INTS3: variants seen among roughly 807,000 people sequenced by gnomAD.
The protein encoded by INTS3 is SOSS complex subunit A.
INTS3 carries 34 observed loss-of-function variants against 146.3 expected under a neutral mutation model. The observed-to-expected ratio is 0.23, with a 90% CI of 0.18 to 0.31. INTS3 has a LOEUF of 0.31. INTS3 is among the 10% of genes least tolerant of loss of function. The probability of loss-of-function intolerance (pLI) is 1.00; values close to 1 mark genes in which losing one functional copy is unlikely to be tolerated. For missense variants in INTS3, 757 were observed against 1,304.2 expected, an observed-to-expected ratio of 0.58 and a Z score of 6.46; for synonymous variants, 475 against 494.9, an observed-to-expected ratio of 0.96 and a Z score of 0.53.
intron 3 of INTS3, among the ~76,000 whole-genome samples, chr1:153,741,838 A>T (rs1413337872): frequency 6.6e-6 from 1 of 152,224 alleles, no homozygotes; most frequent in Non-Finnish European, 1.5e-5. Flanking sequence ...TAATGTAGTG[A>T]TTAGGAGAAC....
chr1:153,772,663 A>G lies in INTS3; in HGVS notation c.2846A>G (p.Gln949Arg). 6.2e-7 allele frequency: 1 copy of G among 1,614,128 alleles called. No homozygotes were observed. Among genetic ancestry groups the G allele is most frequent in the Non-Finnish European group, 8.5e-7 (1 of 1,180,026 alleles). Residue 949 changes from glutamine to arginine, a missense_variant, in exon 28 of 30, where the codon CAG becomes CGG. By Grantham distance (43) the Gln-to-Arg change is conservative. This residue lies in a region of INTS3 where 125 missense variants were observed against 165.6 expected (regional missense o/e 0.75). Coordinates refer to ENST00000318967, the MANE Select transcript of INTS3 (RefSeq NM_023015.5). This position sits in a 1 kb window ranked among gnomAD's most constrained non-coding sequence, Gnocchi z 4.6. ...QNFFSQTPIL[Q>R]ALQHVQASCD... ...GTTTTTAGCCAGACGCCAATTCTCCAGGCGCTGCAGCATGTCCAAGCGAGC... is the reference window on the plus strand; with the variant it reads ...GTTTTTAGCCAGACGCCAATTCTCCGGGCGCTGCAGCATGTCCAAGCGAGC...
intron 6 of INTS3, 47 bp downstream of exon 6, chr1:153,748,802 T>A: frequency 6.9e-7 from 1 of 1,453,822 alleles, no homozygotes; most frequent in Non-Finnish European, 9.7e-7. Context: ...TAATGGCCAT[T>A]AGGAGTGTGG....
rs189280005 is a variant in INTS3 at position 153,754,169 on chromosome 1, G to A, written c.860-473G>A. Among the ~76,000 whole-genome samples the A allele has an allele frequency of 2.6e-4, 40 of 152,010 alleles. No individual in the cohort carries two copies. The South Asian group carries it at 2.9e-3, about 11-fold the overall frequency. On this transcript the variant is annotated intron_variant, in intron 8 of 29. Coordinates refer to ENST00000318967, the MANE Select transcript of INTS3 (RefSeq NM_023015.5). Reference sequence around the variant, plus strand: ...GACATGGTAACAAGGTTTGAGGGAGGCACATCTCACGCATGAGTGTGAAAA... The same window carrying A: ...GACATGGTAACAAGGTTTGAGGGAGACACATCTCACGCATGAGTGTGAAAA...
chr1:153,757,588 A>G lies in INTS3; in HGVS notation c.974A>G (p.Gln325Arg), dbSNP rs1248016093. ...TTTCCCCAGGTGCGATTTGGTCAAC[A>G]AAAGCGATACCAAGATTGGTTCCAG... ...FMTSRVRFGQQKRYQDWFQRQ... is the reference protein window; with the variant it reads ...FMTSRVRFGQRKRYQDWFQRQ... The change falls in exon 10 of 30, where the codon CAA (glutamine) becomes CGA (arginine). Residue 325 changes from glutamine (Q) to arginine (R), a missense_variant. By Grantham distance (43) the Gln-to-Arg change is conservative. Around this residue, in one of 8 missense-constraint regions of INTS3, gnomAD observed 134 missense variants for 243.1 expected, o/e 0.55. Coordinates refer to ENST00000318967, the MANE Select transcript of INTS3 (RefSeq NM_023015.5). This position sits in a 1 kb window ranked among gnomAD's most constrained non-coding sequence, Gnocchi z 4.0. 1.2e-6 allele frequency: 2 copies of G among 1,613,844 alleles called. No homozygotes were observed. The highest frequency in any genetic ancestry group is 1.7e-6 in the Non-Finnish European group (2 of 1,179,700).
intron 5 of INTS3, chr1:153,747,816 A>C (rs1671805154): frequency 1.0e-5 from 2 of 194,982 alleles, no homozygotes; most frequent in African/African-American, 4.6e-5. Flanking sequence ...ATGAGGGACA[A>C]ACTATGTCAC....
chr1:153,772,335 C>T lies in INTS3; in HGVS notation c.2721-5C>T, dbSNP rs1672925772. ...CAGACTCTGGCTCTGGTGATTCCTGCACAGCCTGAGGAGCTCTAGCAGCAA... is the reference window on the plus strand; with the variant it reads ...CAGACTCTGGCTCTGGTGATTCCTGTACAGCCTGAGGAGCTCTAGCAGCAA... On this transcript the variant is annotated splice_region_variant and splice_polypyrimidine_tract_variant and intron_variant, in intron 26 of 29. Coordinates refer to ENST00000318967, the MANE Select transcript of INTS3 (RefSeq NM_023015.5). This position sits in a 1 kb window ranked among gnomAD's most constrained non-coding sequence, Gnocchi z 4.6. 9 of 1,613,160 alleles carry T rather than the reference C, an allele frequency of 5.6e-6. No homozygotes were observed. The East Asian group carries it at 6.7e-5, about 12-fold the overall frequency.
intron 6 of INTS3, 60 bp downstream of exon 6, chr1:153,748,815 G>A: frequency 2.2e-6 from 3 of 1,337,510 alleles, no homozygotes; most frequent in South Asian, 1.2e-5. Flanking sequence ...GAGTGTGGGT[G>A]TGGGAAATGG....
chr1:153,765,215 C>G, intron 20 of INTS3, 152 bp downstream of exon 20: 1 of 794,012 alleles, frequency 1.3e-6, no homozygotes, highest in African/African-American at 1.7e-5. Flanking sequence ...GAGACAGCAT[C>G]TCACTCTGTC....
intron 25 of INTS3, 93 bp from the exon 26 acceptor site, chr1:153,771,703 G>A (rs1456322481): frequency 1.8e-5 from 22 of 1,237,248 alleles, no homozygotes; most frequent in Admixed American, 5.9e-5. Flanking sequence ...GTGGGTGGGT[G>A]GGGAGGCCAG....
intron 20 of INTS3, chr1:153,767,342 G>T: frequency 3.9e-6 from 1 of 257,216 alleles, no homozygotes; most frequent in Non-Finnish European, 7.3e-6. Flanking sequence ...TGCCCTCATG[G>T]TTAGAGCCCA....
In INTS3 at chr1:153,773,638, G is replaced by A. The variant is rs1299779013; in HGVS notation, c.*368G>A. On this transcript the variant is annotated 3_prime_UTR_variant, in exon 30 of 30. Coordinates refer to ENST00000318967, the MANE Select transcript of INTS3 (RefSeq NM_023015.5). ...TTCAACAGAGAAGGGAAATGACAAA[G>A]GGGCAGCTGGCCAGATAAGCTAGGA... 9.1e-6 allele frequency: 3 copies of A among 330,030 alleles called. No homozygotes were observed. Among genetic ancestry groups the A allele is most frequent in the African/African-American group, 6.2e-5 (3 of 48,056 alleles). 20.4% of individuals were successfully genotyped at this position (330,030 alleles called of 1,614,324 possible).
At chr1:153,739,184 C>G (rs1392019675) in intron 1 of INTS3, among the ~76,000 whole-genome samples, 1 of 152,194 alleles carries the variant, frequency 6.6e-6, no homozygotes, top group Non-Finnish European at 1.5e-5. Flanking sequence ...CTGCCTCAGG[C>G]TCTCGAGTAG....
chr1:153,740,763 T>TG, intron 2 of INTS3, 29 bp downstream of exon 2: 1 of 1,494,352 alleles, frequency 6.7e-7, no homozygotes, highest in Non-Finnish European at 9.3e-7. Flanking sequence ...CTGCAGCCAC[T>TG]GCTGCTGCTG....
In INTS3 at chr1:153,767,815, C is replaced by T; in HGVS notation, c.2232C>T (p.Ser744=). ...DVRLLCHLTP[S]IYTEFPDETL... The stretch of plus-strand genomic sequence containing the variant: ...GGCTCCTGTGCCACCTCACGCCCTC[C>T]ATCTACACAGAGGTCAGTGCCTGCA... The change falls in exon 21 of 30, where the codon TCC becomes TCT. Residue 744 remains serine, a synonymous_variant. Coordinates refer to ENST00000318967, the MANE Select transcript of INTS3 (RefSeq NM_023015.5). 1 of 1,471,706 alleles carries T rather than the reference C, an allele frequency of 6.8e-7. No individual in the cohort carries two copies. Among genetic ancestry groups the T allele is most frequent in the Non-Finnish European group, 9.0e-7 (1 of 1,105,662 alleles). 91.2% of individuals were successfully genotyped at this position (1,471,706 alleles called of 1,614,324 possible). A position where few individuals can be genotyped will look rare whatever the true frequency, so the allele number is the denominator to read the frequency against.
At chr1:153,767,219 T>C (rs1432316293) in intron 20 of INTS3, 1 of 155,958 alleles carries the variant, frequency 6.4e-6, no homozygotes, top group African/African-American at 2.4e-5. Flanking sequence ...TGTGTTTTTG[T>C]TGTCATGAAG....
At position 153,769,780 on chromosome 1, in the gene INTS3, G is replaced by T. The variant is rs1439307525; in HGVS notation, c.2325G>T (p.Leu775=). Residue 775 remains leucine, a synonymous_variant, in exon 23 of 30, where the codon CTG becomes CTT. Coordinates refer to ENST00000318967, the MANE Select transcript of INTS3 (RefSeq NM_023015.5). ...AVIDSAQLQE[L]VCHVMMGNLV... ...CTCCACCTCCTTAGCTCCAGGAGCT[G>T]GTCTGCCACGTGATGATGGGTAACC... 1 of 1,613,054 alleles carries T rather than the reference G, an allele frequency of 6.2e-7. No individual in the cohort carries two copies. The highest frequency in any genetic ancestry group is 1.1e-5 in the South Asian group (1 of 91,052).
intron 1 of INTS3, among the ~76,000 whole-genome samples, chr1:153,733,139 C>A (rs1325458765): frequency 6.8e-6 from 1 of 146,600 alleles, no homozygotes; most frequent in East Asian, 2.0e-4. Flanking sequence ...CCGTGCCGGG[C>A]CAGAATTTAG....
At chr1:153,729,879 A>AG (rs1671000605) in intron 1 of INTS3, among the ~76,000 whole-genome samples, 1 of 151,448 alleles carries the variant, frequency 6.6e-6, no homozygotes, top group African/African-American at 2.4e-5. Flanking sequence ...AAAAAAAAAA[A>AG]AAAGAATATG....
rs1671217834 is a variant in INTS3, at chr1:153,734,573, A to C, written c.150+5789A>C. ...TCCTTCACTGAGCAGTGACCCATAG[A>C]ATTGACTCAGGCCTCTGAGCAGAGC... On this transcript the variant is annotated intron_variant, in intron 1 of 29. Coordinates refer to ENST00000318967, the MANE Select transcript of INTS3 (RefSeq NM_023015.5). Among the ~76,000 whole-genome samples the C allele has an allele frequency of 2.0e-5, 3 of 152,172 alleles. No homozygotes were observed. In the South Asian group the frequency reaches 6.2e-4, roughly 32 times the overall value.
Sources: allele counts gnomAD v4.1 joint callset (sites outside exome capture counted in the v4.1 genomes callset), GRCh38; gene constraint gnomAD v4.1.1; regional missense constraint gnomAD v4.1.1; non-coding constraint Gnocchi (gnomAD v3.1); transcripts MANE v1.5; gene names NCBI Gene and HGNC (gene_info 2026-07-23, HGNC 2026-07-21).